Variants in CSMD1 observed in about 807,000 individuals in gnomAD.
CSMD1 encodes CUB and Sushi multiple domains 1, also known as CUB and sushi domain-containing protein 1.
Under a neutral mutation model 417.5 loss-of-function variants are expected in CSMD1, and 213 were observed. The observed-to-expected ratio is 0.51, with a 90% CI of 0.46 to 0.57. The LOEUF is 0.57. Among genes scored for constraint, CSMD1 ranks in the 20% least tolerant of loss-of-function variants. The pLI, the probability that CSMD1 is intolerant of heterozygous loss-of-function variation, is 0.00. For synonymous variants in CSMD1, 2,862 were observed against 1,736.8 expected (o/e 1.65, Z -16.11); for missense variants, 6,923 against 4,529.7 (o/e 1.53, Z -15.17).
chr8:4,692,714 C>A (rs553131935), intron 1 of CSMD1, among the ~76,000 whole-genome samples: 2 of 152,264 alleles, frequency 1.3e-5, no homozygotes, highest in East Asian at 3.9e-4. Context: ...GCCTGCAAAC[C>A]CCCCGATAAC....
intron 1 of CSMD1, among the ~76,000 whole-genome samples, chr8:4,862,072 G>A (rs772073543): frequency 5.3e-5 from 8 of 152,034 alleles, no homozygotes; most frequent in Non-Finnish European, 1.0e-4. Flanking sequence ...AATGCTACTG[G>A]GAATGGCGTC....
intron 10 of CSMD1, among the ~76,000 whole-genome samples, chr8:3,568,252 C>T (rs78037842): frequency 6.6e-6 from 1 of 152,084 alleles, no homozygotes; most frequent in Non-Finnish European, 1.5e-5. Flanking sequence ...CAAAGTTTCA[C>T]ATATTTTGTT....
At chr8:3,020,471 G>C (rs1019312377) in intron 51 of CSMD1, among the ~76,000 whole-genome samples, 2 of 152,118 alleles carry the variant, frequency 1.3e-5, no homozygotes, top group African/African-American at 2.4e-5. Context: ...CTGGGTTCAA[G>C]ACATCCTTCT....
At chr8:4,061,867 A>G (rs2130740784) in intron 3 of CSMD1, among the ~76,000 whole-genome samples, 1 of 152,336 alleles carries the variant, frequency 6.6e-6, no homozygotes, top group South Asian at 2.1e-4. Flanking sequence ...CAGTCTTTCC[A>G]TGACTTGACA....
At chr8:4,828,212 T>A (rs1157294889) in intron 1 of CSMD1, among the ~76,000 whole-genome samples, 1 of 152,212 alleles carries the variant, frequency 6.6e-6, no homozygotes, top group African/African-American at 2.4e-5. Context: ...TATTGTCACT[T>A]AATATTCTAC....
chr8:3,964,113 AG>A (rs1263753078), intron 5 of CSMD1, among the ~76,000 whole-genome samples: 2 of 152,164 alleles, frequency 1.3e-5, no homozygotes, highest in Non-Finnish European at 2.9e-5. Context: ...ACCTGCTTTC[AG>A]AAAAAAAAGT....
intron 1 of CSMD1, among the ~76,000 whole-genome samples, chr8:4,789,938 G>A (rs1285573134): frequency 6.6e-6 from 1 of 152,174 alleles, no homozygotes; most frequent in Non-Finnish European, 1.5e-5. Context: ...AGAGAAAAAT[G>A]TACCCGAAAA....
At chr8:3,337,689 G>C (rs866795811) in intron 23 of CSMD1, among the ~76,000 whole-genome samples, 1 of 152,270 alleles carries the variant, frequency 6.6e-6, no homozygotes, top group South Asian at 2.1e-4. Flanking sequence ...TCTTGCGTCT[G>C]CTGAGATCAA....
At chr8:4,159,054 T>G (rs1209691654) in intron 3 of CSMD1, among the ~76,000 whole-genome samples, 1 of 152,134 alleles carries the variant, frequency 6.6e-6, no homozygotes, top group Non-Finnish European at 1.5e-5. Context: ...TAACTGGGAT[T>G]ACAGGCTTGC....
At chr8:3,210,259 G>C (rs569625611) in intron 30 of CSMD1, among the ~76,000 whole-genome samples, 1 of 152,162 alleles carries the variant, frequency 6.6e-6, no homozygotes, top group East Asian at 1.9e-4. Context: ...ATAACATAAA[G>C]CTTTATTTGC....
intron 1 of CSMD1, among the ~76,000 whole-genome samples, chr8:4,968,889 C>A (rs1810057547): frequency 6.6e-6 from 1 of 152,172 alleles, no homozygotes; most frequent in Non-Finnish European, 1.5e-5. Flanking sequence ...CAGTCTGTCT[C>A]TCGGGTTGCC....
At chr8:2,995,393 A>C (rs998156322) in intron 54 of CSMD1, among the ~76,000 whole-genome samples, 3 of 152,210 alleles carry the variant, frequency 2.0e-5, no homozygotes, top group Non-Finnish European at 4.4e-5. Context: ...GAGTGACCGC[A>C]CCGAATGCTG....
intron 18 of CSMD1, among the ~76,000 whole-genome samples, chr8:3,386,338 C>A (rs1391142306): frequency 6.6e-6 from 1 of 152,162 alleles, no homozygotes; most frequent in East Asian, 1.9e-4. Context: ...ACGCCGAACT[C>A]GACTCCCACC....
intron 8 of CSMD1, among the ~76,000 whole-genome samples, chr8:3,598,982 G>C (rs985979511): frequency 6.6e-6 from 1 of 152,172 alleles, no homozygotes; most frequent in African/African-American, 2.4e-5. Flanking sequence ...TCAGGAGGCT[G>C]AGAGAGGAGA....
At chr8:4,595,884 T>A (rs1162849804) in intron 2 of CSMD1, among the ~76,000 whole-genome samples, 1 of 152,318 alleles carries the variant, frequency 6.6e-6, no homozygotes, top group Non-Finnish European at 1.5e-5. Flanking sequence ...TTGCATGGAA[T>A]GATCTTGCAT....
intron 3 of CSMD1, among the ~76,000 whole-genome samples, chr8:4,110,242 G>A (rs991118114): frequency 1.3e-5 from 2 of 152,040 alleles, no homozygotes; most frequent in Admixed American, 1.3e-4. Flanking sequence ...AAACAAGACT[G>A]AAAGCTTGGC....
intron 1 of CSMD1, among the ~76,000 whole-genome samples, chr8:4,933,132 C>T (rs5001120): frequency 0.31 from 47,246 of 151,900 alleles, 8,333 homozygotes; most frequent in Non-Finnish European, 0.41. Context: ...TGTTCTCTAT[C>T]TGGTATATGT....
intron 5 of CSMD1, among the ~76,000 whole-genome samples, chr8:3,987,468 C>T (rs920790263): frequency 6.6e-6 from 1 of 152,184 alleles, no homozygotes; most frequent in African/African-American, 2.4e-5. Context: ...TTCATATTCA[C>T]CCAGCTAGAT....
intron 49 of CSMD1, among the ~76,000 whole-genome samples, chr8:3,065,658 G>A (rs1010450733): frequency 5.3e-5 from 8 of 152,136 alleles, no homozygotes; most frequent in African/African-American, 1.4e-4. Flanking sequence ...ATGACAGATT[G>A]ATTGATCAAT....
Sources: gnomAD v4.1 joint callset for allele counts (sites outside exome capture counted in the v4.1 genomes callset) on GRCh38, gnomAD v4.1.1 for gene constraint, MANE v1.5 for transcripts, NCBI Gene and HGNC (gene_info 2026-07-23, HGNC 2026-07-21) for gene names.